The following SRGAP3 variants were observed in gnomAD, a reference collection of about 807,000 sequenced individuals.
SRGAP3 encodes SLIT-ROBO Rho GTPase activating protein 3, also known as SLIT-ROBO Rho GTPase-activating protein 3.
SRGAP3 carries 39 observed loss-of-function variants against 121.1 expected under a neutral mutation model. The observed-to-expected ratio is 0.32, with a 90% CI of 0.25 to 0.42. The LOEUF is 0.42. SRGAP3 is among the 10% of genes least tolerant of loss of function. The pLI, the probability that SRGAP3 is intolerant of heterozygous loss-of-function variation, is 1.00. For synonymous variants in SRGAP3, 601 were observed against 570.0 expected, an observed-to-expected ratio of 1.05 and a Z score of -0.77; for missense variants, 1,213 against 1,470.6, an observed-to-expected ratio of 0.82 and a Z score of 2.86.
intron 1 of SRGAP3, among the ~76,000 whole-genome samples, chr3:9,139,707 G>A (rs1347164193): frequency 6.6e-6 from 1 of 152,216 alleles, no homozygotes; most frequent in Non-Finnish European, 1.5e-5. Flanking sequence ...TCGGAAACTA[G>A]TATAATGTGC....
intron 3 of SRGAP3, among the ~76,000 whole-genome samples, chr3:9,099,699 C>T (rs1394942137): frequency 6.6e-6 from 1 of 152,224 alleles, no homozygotes; most frequent in Non-Finnish European, 1.5e-5. Flanking sequence ...ATGAGTATCA[C>T]CTGGGAATAT....
At position 8,981,022 on chromosome 3, in the gene SRGAP3, GACA is replaced by G. The variant is rs947909442; in HGVS notation, c.*4494_*4496del. On this transcript the variant is annotated 3_prime_UTR_variant, in exon 22 of 22. Coordinates refer to ENST00000383836, the MANE Select transcript of SRGAP3 (RefSeq NM_014850.4). The stretch of plus-strand genomic sequence containing the variant: ...AGGAACAGCTTTGTTATTGGCCGGG[GACA>G]ACTCACACAGAAAGGAGGTGTCAAC... 1 of 233,142 alleles carries G rather than the reference GACA, an allele frequency of 4.3e-6. No homozygotes were observed. Among genetic ancestry groups the G allele is most frequent in the African/African-American group, 2.2e-5 (1 of 45,314 alleles). The allele number at this position is 233,142 out of a possible 1,614,324, so 14.4% of individuals were successfully genotyped here.
chr3:9,348,804 C>T (rs2029893313), intron 1 of SRGAP3: 2 of 1,373,538 alleles, frequency 1.5e-6, no homozygotes, highest in Non-Finnish European at 2.1e-6. Context: ...TATGATGTCC[C>T]ACCACCTCTA....
intron 1 of SRGAP3, among the ~76,000 whole-genome samples, chr3:9,212,625 G>A (rs962280356): frequency 1.3e-5 from 2 of 152,170 alleles, no homozygotes; most frequent in African/African-American, 4.8e-5. Flanking sequence ...TAAGGCAGGA[G>A]AATCACTTGA....
At position 9,049,914 on chromosome 3, in the gene SRGAP3, GCCAAGTAGCTGGGACCTCAGCCTC is replaced by G. The variant is rs879298139; in HGVS notation, c.1324-2463_1324-2440del. Among the ~76,000 whole-genome samples, 1,000 of 151,666 alleles carry G rather than the reference GCCAAGTAGCTGGGACCTCAGCCTC, an allele frequency of 6.6e-3. 6 individuals are homozygous for G. Among genetic ancestry groups the G allele is most frequent in the Non-Finnish European group, 0.011 (761 of 67,896 alleles). ...TAGCTGGGACTACAGGCACACGCCA[GCCAAGTAGCTGGGACCTCAGCCTC>G]CCAAGTAGCTGGGACCTCAGCCTCC... On this transcript the variant is annotated intron_variant, in intron 9 of 21. Coordinates refer to ENST00000383836, the MANE Select transcript of SRGAP3 (RefSeq NM_014850.4).
At chr3:9,254,657 G>A (rs758614953), upstream of SRGAP3, among the ~76,000 whole-genome samples, 5 of 152,054 alleles carry the variant, frequency 3.3e-5, no homozygotes, top group South Asian at 4.1e-4. Context: ...TTAGCCAAGC[G>A]TGGTGGTCCA....
At position 8,982,454 on chromosome 3, in the gene SRGAP3, A is replaced by C. The variant is rs769776004; in HGVS notation, c.*3065T>G. The C allele has an allele frequency of 5.8e-5, 13 of 223,512 alleles. No homozygotes were observed. Among genetic ancestry groups the C allele is most frequent in the Non-Finnish European group, 1.2e-4 (13 of 111,714 alleles). The allele number at this position is 223,512 out of a possible 1,614,324, so 13.8% of individuals were successfully genotyped here. Reference sequence around the variant, plus strand: ...ACTGTACAGTTAGGTATTTGTTTTTACATTGATCTATCTACTAGGTGCAAA... The same window carrying C: ...ACTGTACAGTTAGGTATTTGTTTTTCCATTGATCTATCTACTAGGTGCAAA... On this transcript the variant is annotated 3_prime_UTR_variant, in exon 22 of 22. Transcript: ENST00000383836.
At chr3:9,198,350 ATCT>A (rs779670465) in intron 1 of SRGAP3, among the ~76,000 whole-genome samples, 9 of 152,330 alleles carry the variant, frequency 5.9e-5, no homozygotes, top group African/African-American at 2.2e-4. Context: ...CAAGGAAGAC[ATCT>A]TCTTCTTCAG....
chr3:9,054,320 C>T (rs1945719612), intron 8 of SRGAP3, among the ~76,000 whole-genome samples: 1 of 152,188 alleles, frequency 6.6e-6, no homozygotes, highest in Admixed American at 6.5e-5. Flanking sequence ...ACAGCCTATC[C>T]TCTGAAGCCT....
At chr3:9,036,447 T>C (rs1054700975) in intron 11 of SRGAP3, 9 of 152,260 alleles carry the variant, frequency 5.9e-5, no homozygotes, top group African/African-American at 2.2e-4. Context: ...GCAGGGTAGC[T>C]GCAGTTGAAT....
At chr3:9,296,087 T>C (rs1187561614) in intron 3 of SRGAP3, among the ~76,000 whole-genome samples, 3 of 152,244 alleles carry the variant, frequency 2.0e-5, no homozygotes, top group African/African-American at 7.2e-5. Context: ...TTGCAAAGAA[T>C]GCTGCTATGA....
At chr3:9,198,978 C>G (rs1308282155) in intron 1 of SRGAP3, among the ~76,000 whole-genome samples, 1 of 152,184 alleles carries the variant, frequency 6.6e-6, no homozygotes, top group Non-Finnish European at 1.5e-5. Flanking sequence ...TTTTCCAGCA[C>G]TTCTCGCAGC....
At chr3:9,322,420 G>A (rs1227284000) in intron 3 of SRGAP3, among the ~76,000 whole-genome samples, 1 of 151,808 alleles carries the variant, frequency 6.6e-6, no homozygotes, top group Non-Finnish European at 1.5e-5. Context: ...GGTGATGTGG[G>A]ATCTTAATAC....
intron 3 of SRGAP3, among the ~76,000 whole-genome samples, chr3:9,102,217 G>A (rs1277847833): frequency 6.6e-6 from 1 of 152,218 alleles, no homozygotes; most frequent in Non-Finnish European, 1.5e-5. Flanking sequence ...CCAGGCCTGG[G>A]CTGGACACTT....
chr3:9,021,239 T>C (rs151288926), intron 14 of SRGAP3, among the ~76,000 whole-genome samples: 2 of 152,322 alleles, frequency 1.3e-5, no homozygotes, highest in Non-Finnish European at 2.9e-5. Flanking sequence ...TGCGTAGATA[T>C]GCACAGCGGG....
At chr3:9,023,062 G>C (rs1464562696) in intron 14 of SRGAP3, among the ~76,000 whole-genome samples, 1 of 151,720 alleles carries the variant, frequency 6.6e-6, no homozygotes, top group Non-Finnish European at 1.5e-5. Flanking sequence ...GAAAGGGTGG[G>C]GTTGCCCGTG....
intron 3 of SRGAP3, among the ~76,000 whole-genome samples, chr3:9,089,627 A>G (rs754975936): frequency 8.6e-6 from 1 of 115,862 alleles, no homozygotes; most frequent in Non-Finnish European, 1.8e-5. Flanking sequence ...CCAACTTACA[A>G]GCAGATCTCA....
chr3:9,055,799 C>T (rs1050355135), intron 8 of SRGAP3, among the ~76,000 whole-genome samples: 1 of 152,332 alleles, frequency 6.6e-6, no homozygotes, highest in South Asian at 2.1e-4. Flanking sequence ...TCCCTCCAGT[C>T]TTTTTTCTAT....
intron 3 of SRGAP3, among the ~76,000 whole-genome samples, chr3:9,261,876 TAA>T (rs34047232): frequency 0.029 from 3,500 of 120,816 alleles, 36 homozygotes; most frequent in Middle Eastern, 0.058. Flanking sequence ...CTCATATATT[TAA>T]AAAAAAAAAA....
Sources: gnomAD v4.1 joint callset for allele counts (sites outside exome capture counted in the v4.1 genomes callset) on GRCh38, gnomAD v4.1.1 for gene constraint, MANE v1.5 for transcripts, NCBI Gene and HGNC (gene_info 2026-07-23, HGNC 2026-07-21) for gene names.